KYNU: variants seen among roughly 807,000 people sequenced by gnomAD.
KYNU encodes the protein L-kynurenine hydrolase.
Under a neutral mutation model 59.2 loss-of-function variants are expected in KYNU, and 54 were observed. The ratio of observed to expected loss-of-function variants is 0.91; its 90% CI spans 0.73 to 1.14. The LOEUF is 1.14. KYNU is among the 50% of genes most tolerant of loss of function. KYNU has a pLI of 0.00. For missense variants in KYNU, 567 were observed against 554.4 expected, an observed-to-expected ratio of 1.02 and a Z score of -0.23; for synonymous variants, 177 against 192.0, an observed-to-expected ratio of 0.92 and a Z score of 0.65.
rs141213001 is a variant in KYNU, at chr2:143,055,613, G to T, written c.*13441G>T. 4 of 148,814 alleles carry T rather than the reference G, an allele frequency of 2.7e-5. No individual in the cohort carries two copies. The highest frequency in any genetic ancestry group is 3.5e-3 in the Middle Eastern group (1 of 288). 9.2% of individuals were successfully genotyped at this position (148,814 alleles called of 1,614,324 possible). ...GATTAGGACATGGACATCTTTGAGG[G>T]TCATTAGTCATCTTACCACAGGAAG... On this transcript the variant is annotated 3_prime_UTR_variant, in exon 14 of 14. Coordinates refer to ENST00000264170, the MANE Select transcript of KYNU (RefSeq NM_003937.3).
At chr2:142,985,227 C>T in intron 9 of KYNU, 45 bp downstream of exon 9, 1 of 1,192,414 alleles carries the variant, frequency 8.4e-7, no homozygotes. Flanking sequence ...TTCACATTGA[C>T]TTTAATCTGA....
intron 5 of KYNU, among the ~76,000 whole-genome samples, chr2:142,955,867 A>T (rs1684144535): frequency 6.6e-6 from 1 of 152,138 alleles, no homozygotes; most frequent in Non-Finnish European, 1.5e-5. Flanking sequence ...CTTTGGGAAG[A>T]TAATTTGTCA....
chr2:143,030,130 C>A (rs2104913444), intron 11 of KYNU, among the ~76,000 whole-genome samples: 1 of 152,266 alleles, frequency 6.6e-6, no homozygotes, highest in South Asian at 2.1e-4. Flanking sequence ...ATAATAAAAT[C>A]TATTTAAAGA....
At chr2:142,933,456 G>A (rs1471032956) in intron 4 of KYNU, among the ~76,000 whole-genome samples, 3 of 152,122 alleles carry the variant, frequency 2.0e-5, no homozygotes, top group Non-Finnish European at 2.9e-5. Flanking sequence ...GAGCGAAGGA[G>A]GGAACCTAGA....
chr2:143,039,355 A>G (rs1266536461), intron 12 of KYNU, among the ~76,000 whole-genome samples: 1 of 152,138 alleles, frequency 6.6e-6, no homozygotes, highest in Admixed American at 6.6e-5. Context: ...TTTAGATCAT[A>G]TTGCACTTTT....
chr2:142,917,458 CT>C (rs1682702512), intron 2 of KYNU, among the ~76,000 whole-genome samples: 2 of 132,892 alleles, frequency 1.5e-5, no homozygotes, highest in Admixed American at 7.6e-5. Flanking sequence ...ATGTGATAAC[CT>C]TTTATTAAAA....
chr2:143,028,170 C>T (rs7598811), intron 10 of KYNU, among the ~76,000 whole-genome samples: 96,683 of 149,984 alleles, frequency 0.64, 32,097 homozygotes, highest in Middle Eastern at 0.73. Flanking sequence ...TAGTCTTTTT[C>T]ATGTAATATA....
intron 2 of KYNU, among the ~76,000 whole-genome samples, chr2:142,906,357 C>T (rs13393769): frequency 0.37 from 55,663 of 151,980 alleles, 10,513 homozygotes; most frequent in South Asian, 0.56. Context: ...GGTGGTGGGT[C>T]GGGGGATGCT....
At chr2:142,932,584 G>A (rs962171685) in intron 4 of KYNU, among the ~76,000 whole-genome samples, 1 of 152,078 alleles carries the variant, frequency 6.6e-6, no homozygotes, top group Non-Finnish European at 1.5e-5. Flanking sequence ...AGGAAACCCC[G>A]TTTTTTCCAG....
At position 142,932,927 on chromosome 2, in the gene KYNU, G is replaced by A. The variant is rs183727023; in HGVS notation, c.373+5186G>A. ...CACAGAAGTGTTTAGGGTCTTTGGCGGTTGTAGCTTCAGGTAAGAGCATGG... is the reference window on the plus strand; with the variant it reads ...CACAGAAGTGTTTAGGGTCTTTGGCAGTTGTAGCTTCAGGTAAGAGCATGG... On this transcript the variant is annotated intron_variant, in intron 4 of 13. Transcript: ENST00000264170. Among the ~76,000 whole-genome samples the A allele has an allele frequency of 1.7e-3, 255 of 152,288 alleles. 2 individuals are homozygous for A. Among genetic ancestry groups the A allele is most frequent in the African/African-American group, 5.8e-3 (239 of 41,556 alleles).
chr2:142,957,004 T>A lies in KYNU; in HGVS notation c.508-637T>A, dbSNP rs550786596. 6.6e-5 allele frequency among the ~76,000 whole-genome samples: 10 copies of A among 152,122 alleles called. No homozygotes were observed. The South Asian group carries it at 8.3e-4, about 13-fold the overall frequency. On this transcript the variant is annotated intron_variant, in intron 6 of 13. Coordinates refer to ENST00000264170, the MANE Select transcript of KYNU (RefSeq NM_003937.3). Reference sequence around the variant, plus strand: ...TAAAGTAAATAATAAATAAATAAATTAATTAATTTTAAAAGTACATTTTAT... The same window carrying A: ...TAAAGTAAATAATAAATAAATAAATAAATTAATTTTAAAAGTACATTTTAT...
intron 2 of KYNU, among the ~76,000 whole-genome samples, chr2:142,903,858 G>T (rs558427234): frequency 1.3e-5 from 2 of 151,912 alleles, no homozygotes; most frequent in Non-Finnish European, 2.9e-5. Context: ...CTTGTAGATC[G>T]CACTGGAAGC....
In KYNU at chr2:143,011,112, A is replaced by T. The variant is rs1175340602; in HGVS notation, c.903-18515A>T. 7.2e-4 allele frequency among the ~76,000 whole-genome samples: 105 copies of T among 146,340 alleles called. 15 individuals carry two copies. The highest frequency in any genetic ancestry group is 2.5e-3 in the African/African-American group (97 of 39,088). ...CTGCACAGCCAAAGAAACTACCATC[A>T]GAGTGAACAGGCAACCTACAAAATG... On this transcript the variant is annotated intron_variant, in intron 10 of 13. Coordinates refer to ENST00000264170, the MANE Select transcript of KYNU (RefSeq NM_003937.3).
chr2:143,025,378 G>A (rs1046276242), intron 10 of KYNU, among the ~76,000 whole-genome samples: 1 of 152,022 alleles, frequency 6.6e-6, no homozygotes, highest in Non-Finnish European at 1.5e-5. Flanking sequence ...TAGCAATTTG[G>A]GGGAGGTACC....
intron 8 of KYNU, among the ~76,000 whole-genome samples, chr2:142,964,047 T>G (rs749754462): frequency 1.4e-4 from 21 of 152,118 alleles, no homozygotes; most frequent in Non-Finnish European, 2.5e-4. Context: ...AAGTTTTTTT[T>G]TGTGTTTGGC....
intron 3 of KYNU, among the ~76,000 whole-genome samples, chr2:142,923,916 T>A (rs1682967392): frequency 6.6e-6 from 1 of 152,226 alleles, no homozygotes; most frequent in Non-Finnish European, 1.5e-5. Flanking sequence ...GCAGTGTGTG[T>A]GTGCTGACAG....
chr2:143,012,004 G>A (rs1306167870), intron 10 of KYNU, among the ~76,000 whole-genome samples: 1 of 146,084 alleles, frequency 6.8e-6, no homozygotes, highest in East Asian at 2.1e-4. Flanking sequence ...CATGGCACAT[G>A]TATACATATG....
At chr2:142,933,002 G>T (rs570365805) in intron 4 of KYNU, among the ~76,000 whole-genome samples, 6 of 152,288 alleles carry the variant, frequency 3.9e-5, no homozygotes, top group Admixed American at 2.6e-4. Flanking sequence ...GGGTTTCTAT[G>T]AATAGAGCAT....
intron 2 of KYNU, among the ~76,000 whole-genome samples, chr2:142,892,325 T>C (rs1164019341): frequency 6.6e-6 from 1 of 152,254 alleles, no homozygotes; most frequent in African/African-American, 2.4e-5. Context: ...AACTGTCTTC[T>C]TTCTCTGTGA....
Sources: allele counts gnomAD v4.1 joint callset (sites outside exome capture counted in the v4.1 genomes callset), GRCh38; gene constraint gnomAD v4.1.1; transcripts MANE v1.5; gene names NCBI Gene and HGNC (gene_info 2026-07-23, HGNC 2026-07-21).